SLC7A6OS: variants seen among roughly 807,000 people sequenced by gnomAD.
SLC7A6OS encodes the protein probable RNA polymerase II nuclear localization protein SLC7A6OS.
Under a neutral mutation model 34.3 loss-of-function variants are expected in SLC7A6OS, and 22 were observed. That is an observed-to-expected ratio of 0.64 (90% CI 0.46 to 0.92). The LOEUF (loss-of-function observed/expected upper bound fraction) is 0.92, where lower values mean the gene tolerates loss of function less well. Ranked by LOEUF, SLC7A6OS falls within the 40% of genes least tolerant of loss-of-function variation. The probability of loss-of-function intolerance (pLI) is 0.00; values close to 1 mark genes in which losing one functional copy is unlikely to be tolerated. For synonymous variants in SLC7A6OS, 199 were observed against 165.0 expected, an observed-to-expected ratio of 1.21 and a Z score of -1.58; for missense variants, 434 against 407.7, an observed-to-expected ratio of 1.06 and a Z score of -0.56.
At chr16:68,309,023 G>A (rs1440588335) in intron 2 of SLC7A6OS, among the ~76,000 whole-genome samples, 5 of 147,754 alleles carry the variant, frequency 3.4e-5, no homozygotes, top group Admixed American at 1.4e-4. Flanking sequence ...ATGCACTCTA[G>A]CCTGGGCAAC....
chr16:68,300,854 A>G lies in SLC7A6OS; in HGVS notation c.*421T>C, dbSNP rs1196461954. 2 of 987,766 alleles carry G rather than the reference A, an allele frequency of 2.0e-6. No homozygotes were observed. Among genetic ancestry groups the G allele is most frequent in the South Asian group, 4.7e-5 (1 of 21,430 alleles). The allele number at this position is 987,766 out of a possible 1,614,324, so 61.2% of individuals were successfully genotyped here. On this transcript the variant is annotated 3_prime_UTR_variant, in exon 5 of 5. Coordinates refer to ENST00000263997, the MANE Select transcript of SLC7A6OS (RefSeq NM_032178.3). ...CTGGTACCCCTTTTAGATTCTATCA[A>G]AAGGAACAGGGTTTTCCTAGAGGCA...
At chr16:68,308,016 C>T (rs932950678) in intron 2 of SLC7A6OS, among the ~76,000 whole-genome samples, 8 of 152,180 alleles carry the variant, frequency 5.3e-5, no homozygotes, top group African/African-American at 1.9e-4. Context: ...ATTCTCCTGC[C>T]TCAACCTCCC....
At position 68,300,751 on chromosome 16, in the gene SLC7A6OS, C is replaced by G; in HGVS notation, c.*524G>C. The G allele has an allele frequency of 3.0e-6, 3 of 985,496 alleles. No individual in the cohort carries two copies. The highest frequency in any genetic ancestry group is 3.6e-6 in the Non-Finnish European group (3 of 829,970). 61.0% of individuals were successfully genotyped at this position (985,496 alleles called of 1,614,324 possible). ...GTTTGGAAGCAGAAATAGCTGTTAA[C>G]TAAAATCTCCCACTGCTCAGACTAC... On this transcript the variant is annotated 3_prime_UTR_variant, in exon 5 of 5. Transcript: ENST00000263997.
In SLC7A6OS at chr16:68,299,311, C is replaced by T. The variant is rs761720223; in HGVS notation, c.*1964G>A. ...CAGCTAATCCCAGGAATTTGCTGCC[C>T]CCCACCAGTGGCTTCTAGGGAAAGC... On this transcript the variant is annotated 3_prime_UTR_variant, in exon 5 of 5. Coordinates refer to ENST00000263997, the MANE Select transcript of SLC7A6OS (RefSeq NM_032178.3). The T allele has an allele frequency of 6.6e-6, 1 of 152,634 alleles. No individual in the cohort carries two copies. The highest frequency in any genetic ancestry group is 1.5e-5 in the Non-Finnish European group (1 of 68,046). The allele number at this position is 152,634 out of a possible 1,614,324, so 9.5% of individuals were successfully genotyped here.
chr16:68,310,689 C>T (rs1298552012), intron 1 of SLC7A6OS, 46 bp downstream of exon 1: 2 of 1,581,640 alleles, frequency 1.3e-6, no homozygotes, highest in Non-Finnish European at 1.7e-6. Context: ...TTCGTACCGG[C>T]TGCACCCGAA....
chr16:68,308,704 A>G (rs927395411), intron 2 of SLC7A6OS, among the ~76,000 whole-genome samples: 11 of 152,132 alleles, frequency 7.2e-5, no homozygotes, highest in Admixed American at 6.5e-4. Flanking sequence ...TTGAATTATA[A>G]TTGTTTTAAG....
chr16:68,300,744 C>T lies in SLC7A6OS; in HGVS notation c.*531G>A. 3.0e-6 allele frequency: 3 copies of T among 985,500 alleles called. No homozygotes were observed. The highest frequency in any genetic ancestry group is 3.6e-6 in the Non-Finnish European group (3 of 829,960). 61.0% of individuals were successfully genotyped at this position (985,500 alleles called of 1,614,324 possible). ...TATCAGAGTTTGGAAGCAGAAATAGCTGTTAACTAAAATCTCCCACTGCTC... is the reference window on the plus strand; with the variant it reads ...TATCAGAGTTTGGAAGCAGAAATAGTTGTTAACTAAAATCTCCCACTGCTC... On this transcript the variant is annotated 3_prime_UTR_variant, in exon 5 of 5. Coordinates refer to ENST00000263997, the MANE Select transcript of SLC7A6OS (RefSeq NM_032178.3).
chr16:68,300,986 G>A lies in SLC7A6OS; in HGVS notation c.*289C>T. ...ACCTGAATGCCAGGAAAAATTCCTG[G>A]GCCAAGAAGCTAAAGCTAAAGAAAC... On this transcript the variant is annotated 3_prime_UTR_variant, in exon 5 of 5. Transcript: ENST00000263997. The A allele has an allele frequency of 9.5e-7, 1 of 1,047,160 alleles. No individual in the cohort carries two copies. Among genetic ancestry groups the A allele is most frequent in the Non-Finnish European group, 1.1e-6 (1 of 870,658 alleles). 64.9% of individuals were successfully genotyped at this position (1,047,160 alleles called of 1,614,324 possible).
chr16:68,306,593 G>C (rs2151241149), intron 2 of SLC7A6OS, among the ~76,000 whole-genome samples: 1 of 152,196 alleles, frequency 6.6e-6, no homozygotes, highest in South Asian at 2.1e-4. Context: ...TGATCTTTCT[G>C]TTTCAACCTC....
intron 3 of SLC7A6OS, among the ~76,000 whole-genome samples, chr16:68,302,891 G>A (rs1016842918): frequency 3.9e-5 from 6 of 152,254 alleles, no homozygotes; most frequent in African/African-American, 1.4e-4. Flanking sequence ...TAATGCAGGT[G>A]CAGGATGCAG....
rs1199422820 is a variant in SLC7A6OS at position 68,300,083 on chromosome 16, T to C, written c.*1192A>G. 3 of 152,172 alleles carry C rather than the reference T, an allele frequency of 2.0e-5. No individual in the cohort carries two copies. The highest frequency in any genetic ancestry group is 7.2e-5 in the African/African-American group (3 of 41,428). The allele number at this position is 152,172 out of a possible 1,614,324, so 9.4% of individuals were successfully genotyped here. On this transcript the variant is annotated 3_prime_UTR_variant, in exon 5 of 5. Coordinates refer to ENST00000263997, the MANE Select transcript of SLC7A6OS (RefSeq NM_032178.3). Reference sequence around the variant, plus strand: ...AAGAGACACTCACAGGCTATGAGGGTACACCCCTAGCTGAATGTTCTGTGT... The same window carrying C: ...AAGAGACACTCACAGGCTATGAGGGCACACCCCTAGCTGAATGTTCTGTGT...
At chr16:68,306,983 G>T (rs1451280219) in intron 2 of SLC7A6OS, among the ~76,000 whole-genome samples, 2 of 152,116 alleles carry the variant, frequency 1.3e-5, no homozygotes, top group South Asian at 4.1e-4. Context: ...GGGATTACAG[G>T]TGTGAACTAC....
At chr16:68,306,639 C>T (rs1406494720) in intron 2 of SLC7A6OS, among the ~76,000 whole-genome samples, 4 of 152,162 alleles carry the variant, frequency 2.6e-5, no homozygotes, top group Non-Finnish European at 4.4e-5. Flanking sequence ...CACCACTCCT[C>T]CTAGCTAGAA....
Position 68,300,002 on chromosome 16 carries a change from A to G in SLC7A6OS, c.*1273T>C, listed in dbSNP as rs1159501257. 1.3e-5 allele frequency: 2 copies of G among 152,196 alleles called. No individual in the cohort carries two copies. The highest frequency in any genetic ancestry group is 2.4e-5 in the African/African-American group (1 of 41,442). 9.4% of individuals were successfully genotyped at this position (152,196 alleles called of 1,614,324 possible). A position where few individuals can be genotyped will look rare whatever the true frequency, so the allele number is the denominator to read the frequency against. ...GGAGAGATACTTAGGAAATCCTAAA[A>G]GAGGCGGCAAGAAGGTACCTCCCTG... On this transcript the variant is annotated 3_prime_UTR_variant, in exon 5 of 5. Coordinates refer to ENST00000263997, the MANE Select transcript of SLC7A6OS (RefSeq NM_032178.3).
chr16:68,305,529 G>A (rs1428274291), intron 2 of SLC7A6OS, among the ~76,000 whole-genome samples: 2 of 152,106 alleles, frequency 1.3e-5, no homozygotes, highest in African/African-American at 2.4e-5. Flanking sequence ...ACAGGACACT[G>A]CACAGCTCCA....
chr16:68,303,946 G>A, intron 3 of SLC7A6OS, 80 bp downstream of exon 3: 1 of 1,291,378 alleles, frequency 7.7e-7, no homozygotes, highest in Non-Finnish European at 1.1e-6. Context: ...TTCGGGAGTG[G>A]AGCCCAGGGA....
rs745936793 is a variant in SLC7A6OS, at chr16:68,301,412, T to A, written c.800-7A>T. On this transcript the variant is annotated splice_region_variant and splice_polypyrimidine_tract_variant and intron_variant, in intron 4 of 4. Coordinates refer to ENST00000263997, the MANE Select transcript of SLC7A6OS (RefSeq NM_032178.3). ...CTGTTGTAGTCAGCAGAGCCTAGAA[T>A]GACATCCCGGGAGTGGATTCTAAAT... is the stretch of plus-strand genomic sequence containing the variant. 9.8e-5 allele frequency: 158 copies of A among 1,612,928 alleles called. 3 individuals carry two copies. In the South Asian group the frequency reaches 1.7e-3, roughly 17 times the overall value.
At chr16:68,310,293 C>A in intron 2 of SLC7A6OS, 42 bp downstream of exon 2, 1 of 1,532,566 alleles carries the variant, frequency 6.5e-7, no homozygotes, top group South Asian at 1.3e-5. Context: ...CTTGCATTAC[C>A]ATCCTGAGAA....
In SLC7A6OS at chr16:68,299,280, G is replaced by A. The variant is rs1471622149; in HGVS notation, c.*1995C>T. 6.6e-6 allele frequency: 1 copy of A among 152,634 alleles called. No homozygotes were observed. Among genetic ancestry groups the A allele is most frequent in the African/African-American group, 2.4e-5 (1 of 41,454 alleles). 9.5% of individuals were successfully genotyped at this position (152,634 alleles called of 1,614,324 possible). A position where few individuals can be genotyped will look rare whatever the true frequency, so the allele number is the denominator to read the frequency against. On this transcript the variant is annotated 3_prime_UTR_variant, in exon 5 of 5. Coordinates refer to ENST00000263997, the MANE Select transcript of SLC7A6OS (RefSeq NM_032178.3). ...ACCCCAGCTTTAGCTTTCTCCACCAGATAACCAGCTAATCCCAGGAATTTG... is the reference window on the plus strand; with the variant it reads ...ACCCCAGCTTTAGCTTTCTCCACCAAATAACCAGCTAATCCCAGGAATTTG...
Sources: allele counts gnomAD v4.1 joint callset (sites outside exome capture counted in the v4.1 genomes callset), GRCh38; gene constraint gnomAD v4.1.1; transcripts MANE v1.5; gene names NCBI Gene and HGNC (gene_info 2026-07-23, HGNC 2026-07-21).